Variants in ZNF597 observed in about 807,000 individuals in gnomAD.
ZNF597 encodes zinc finger protein 597.
A neutral mutation model predicts 7.3 loss-of-function variants in ZNF597; 5 were observed. The observed-to-expected ratio is 0.68, with a 90% CI of 0.36 to 1.44. ZNF597 has a LOEUF of 1.44. Among genes scored for constraint, ZNF597 ranks in the 40% most tolerant of loss-of-function variants. ZNF597 has a pLI of 0.04. For missense variants in ZNF597, 585 were observed against 517.9 expected, an observed-to-expected ratio of 1.13 and a Z score of -1.26; for synonymous variants, 209 against 185.4, an observed-to-expected ratio of 1.13 and a Z score of -1.04.
Position 3,436,950 on chromosome 16 carries a change from A to G in ZNF597, c.749T>C (p.Met250Thr), listed in dbSNP as rs76708655. Residue 250 changes from methionine to threonine, a missense_variant, in exon 4 of 4, where the codon ATG becomes ACG. Transcript: ENST00000301744. The stretch of plus-strand genomic sequence containing the variant: ...ATGCTGTGCCAATCCTGGGAGCCAC[A>G]TAAAACCTCTACCACATATGCTACA... ...YTCSICGRGF[M>T]WLPGLAQHQK... 95 of 1,614,226 alleles carry G rather than the reference A, an allele frequency of 5.9e-5. No homozygotes were observed. In the East Asian group the frequency reaches 1.6e-3, roughly 28 times the overall value.
chr16:3,438,725 A>AG (rs1375266951), intron 3 of ZNF597, among the ~76,000 whole-genome samples: 4 of 152,204 alleles, frequency 2.6e-5, no homozygotes, highest in Admixed American at 6.5e-5. Flanking sequence ...GGAAAGATCA[A>AG]GGTAGAAGGC....
Position 3,436,211 on chromosome 16 carries a change from G to A in ZNF597, c.*213C>T. ...TGTACAGTAACTGAGTTCAAATCCT[G>A]GGTTCATTCACTAGTTTAGTGACAC... On this transcript the variant is annotated 3_prime_UTR_variant, in exon 4 of 4. Coordinates refer to ENST00000301744, the MANE Select transcript of ZNF597 (RefSeq NM_152457.3). The A allele has an allele frequency of 3.5e-6, 2 of 569,788 alleles. No homozygotes were observed. Among genetic ancestry groups the A allele is most frequent in the East Asian group, 2.9e-5 (1 of 34,410 alleles). 35.3% of individuals were successfully genotyped at this position (569,788 alleles called of 1,614,324 possible). A position where few individuals can be genotyped will look rare whatever the true frequency, so the allele number is the denominator to read the frequency against.
In ZNF597 at chr16:3,437,336, A is replaced by T; in HGVS notation, c.363T>A (p.Val121=). ...TYKRRVISLL[V]TIENHTPLVE... is the part of the protein sequence containing the mutation. ...CTAATGGGGTGTGGTTTTCAATGGT[A>T]ACTAAAAGGCTGATGACCCTTCTCT... The change falls in exon 4 of 4, where the codon GTT becomes GTA. Residue 121 remains valine (V), a synonymous_variant. Transcript: ENST00000301744. 2 of 1,614,128 alleles carry T rather than the reference A, an allele frequency of 1.2e-6. No homozygotes were observed. The highest frequency in any genetic ancestry group is 1.7e-5 in the Admixed American group (1 of 60,002).
intron 2 of ZNF597, 42 bp from the exon 3 acceptor site, chr16:3,440,975 T>C (rs751567575): frequency 2.5e-6 from 4 of 1,598,672 alleles, no homozygotes; most frequent in Non-Finnish European, 3.4e-6. Flanking sequence ...GGGTGGAGGG[T>C]CAGCCCCTCA....
chr16:3,440,995 G>A, intron 2 of ZNF597, 62 bp from the exon 3 acceptor site: 2 of 1,572,612 alleles, frequency 1.3e-6, no homozygotes, highest in African/African-American at 1.4e-5. Context: ...ACTTAACCTA[G>A]GAAGGATGAA....
chr16:3,436,504 A>G lies in ZNF597; in HGVS notation c.1195T>C (p.Cys399Arg). ...KSHMLAEPFKCTVCGKTFKSN... is the reference protein window; with the variant it reads ...KSHMLAEPFKRTVCGKTFKSN... ...TTGAAAGTTTTCCCACACACGGTAC[A>G]TTTAAAAGGTTCCGCTAGCATGTGG... The change falls in exon 4 of 4, where the codon TGT becomes CGT. Residue 399 changes from cysteine (C) to arginine (R), a missense_variant. Coordinates refer to ENST00000301744, the MANE Select transcript of ZNF597 (RefSeq NM_152457.3). The G allele has an allele frequency of 1.9e-6, 3 of 1,614,210 alleles. No individual in the cohort carries two copies. Among genetic ancestry groups the G allele is most frequent in the South Asian group, 1.1e-5 (1 of 91,082 alleles).
In ZNF597 at chr16:3,434,500, C is replaced by G. The variant is rs1567350683; in HGVS notation, c.*1924G>C. On this transcript the variant is annotated 3_prime_UTR_variant, in exon 4 of 4. Transcript: ENST00000301744. ...GACATCAGAAACAAACAGCCAAAGTCTGACCTTGACATACAGAGCAGCACA... is the reference window on the plus strand; with the variant it reads ...GACATCAGAAACAAACAGCCAAAGTGTGACCTTGACATACAGAGCAGCACA... The G allele has an allele frequency of 1.3e-5, 2 of 152,216 alleles. No homozygotes were observed. Among genetic ancestry groups the G allele is most frequent in the African/African-American group, 4.8e-5 (2 of 41,450 alleles). The allele number at this position is 152,216 out of a possible 1,614,324, so 9.4% of individuals were successfully genotyped here.
At chr16:3,439,441 C>A (rs1567353048) in intron 3 of ZNF597, among the ~76,000 whole-genome samples, 1 of 152,072 alleles carries the variant, frequency 6.6e-6, no homozygotes, top group African/African-American at 2.4e-5. Flanking sequence ...CATGAAGAAA[C>A]TACCCAATGC....
At chr16:3,438,232 A>AAC (rs34258240) in intron 3 of ZNF597, among the ~76,000 whole-genome samples, 52 of 150,798 alleles carry the variant, frequency 3.4e-4, no homozygotes, top group Admixed American at 1.5e-3. Context: ...AAAAAAAAAA[A>AAC]GATGACAGCA....
At chr16:3,437,743 A>AAGG (rs74341248) in intron 3 of ZNF597, among the ~76,000 whole-genome samples, 111,669 of 151,564 alleles carry the variant, frequency 0.74, 41,661 homozygotes, top group Admixed American at 0.8. Context: ...ATCCAAAGGT[A>AAGG]AGGAGAGAAT....
intron 2 of ZNF597, among the ~76,000 whole-genome samples, chr16:3,442,661 C>T (rs1410703400): frequency 7.2e-6 from 1 of 139,574 alleles, no homozygotes; most frequent in Non-Finnish European, 1.5e-5. Flanking sequence ...GGCGACAGAG[C>T]GAGACTCTGT....
Position 3,437,155 on chromosome 16 carries a change from T to C in ZNF597, c.544A>G (p.Lys182Glu), listed in dbSNP as rs115560366. The C allele has an allele frequency of 6.2e-7, 1 of 1,614,206 alleles. No individual in the cohort carries two copies. The highest frequency in any genetic ancestry group is 1.3e-5 in the African/African-American group (1 of 75,044). The change falls in exon 4 of 4, where the codon AAA becomes GAA. Residue 182 changes from lysine to glutamate, a missense_variant. Transcript: ENST00000301744. ...CCACAGTCACCACATTTATGTTTTT[T>C]CTCTCCTGAATGAATTTTCTGATGC... ...VLHQKIHSGE[K>E]KHKCGDCGKI...
chr16:3,440,672 C>T, intron 3 of ZNF597, 135 bp downstream of exon 3: 1 of 1,167,622 alleles, frequency 8.6e-7, no homozygotes, highest in South Asian at 1.6e-5. Context: ...AACTTTTTCT[C>T]TCACACAATT....
intron 3 of ZNF597, among the ~76,000 whole-genome samples, chr16:3,440,547 T>C (rs1425687719): frequency 2.0e-5 from 3 of 151,924 alleles, no homozygotes; most frequent in African/African-American, 7.3e-5. Context: ...GGCAGGAGAA[T>C]GGCGTGAACC....
In ZNF597 at chr16:3,437,208, T is replaced by C; in HGVS notation, c.491A>G (p.Asn164Ser). The change falls in exon 4 of 4, where the codon AAC (asparagine) becomes AGC (serine). Residue 164 changes from asparagine to serine, a missense_variant. Transcript: ENST00000301744. ...AACTAGGTATGAATGATCGCTGAAG[T>C]TTTGGTCACACTCAGGACATTTGTA... is the stretch of plus-strand genomic sequence containing the variant. ...NVYKCPECDQNFSDHSYLVLH... is the reference protein window; with the variant it reads ...NVYKCPECDQSFSDHSYLVLH... The C allele has an allele frequency of 6.2e-7, 1 of 1,614,168 alleles. No homozygotes were observed. Among genetic ancestry groups the C allele is most frequent in the Non-Finnish European group, 8.5e-7 (1 of 1,180,040 alleles).
chr16:3,437,672 A>G, intron 3 of ZNF597, 134 bp from the exon 4 acceptor site: 3 of 1,376,766 alleles, frequency 2.2e-6, no homozygotes, highest in Non-Finnish European at 2.8e-6. Context: ...GACACTAACC[A>G]CACAAAATCA....
Position 3,443,126 on chromosome 16 carries a change from C to A in ZNF597, c.28G>T (p.Ala10Ser). ...AAAAAGGTACCTCGACTCACCTGGGCCTCGGGCGTCGGGGGCATGGACGCC... is the reference window on the plus strand; with the variant it reads ...AAAAAGGTACCTCGACTCACCTGGGACTCGGGCGTCGGGGGCATGGACGCC... MASMPPTPEAQGPILFEDLA... is the reference protein window; with the variant it reads MASMPPTPESQGPILFEDLA... Residue 10 changes from alanine to serine, a missense_variant, in exon 2 of 4, where the codon GCC becomes TCC. Coordinates refer to ENST00000301744, the MANE Select transcript of ZNF597 (RefSeq NM_152457.3). 2 of 1,614,052 alleles carry A rather than the reference C, an allele frequency of 1.2e-6. No homozygotes were observed. Among genetic ancestry groups the A allele is most frequent in the Non-Finnish European group, 1.7e-6 (2 of 1,179,956 alleles).
rs887602910 is a variant in ZNF597 at position 3,440,685 on chromosome 16, C to T, written c.160+122G>A. 3.0e-5 allele frequency: 38 copies of T among 1,252,462 alleles called. No homozygotes were observed. The African/African-American group carries it at 5.0e-4, about 17-fold the overall frequency. The allele number at this position is 1,252,462 out of a possible 1,614,324, so 77.6% of individuals were successfully genotyped here. On this transcript the variant is annotated intron_variant, in intron 3 of 3. Coordinates refer to ENST00000301744, the MANE Select transcript of ZNF597 (RefSeq NM_152457.3). ...AAAACTTTTTCTCTCACACAATTAT[C>T]ACCTCCACATAAATTACTGAGGGAC...
In ZNF597 at chr16:3,435,546, T is replaced by C. The variant is rs1276057059; in HGVS notation, c.*878A>G. 7.4e-6 allele frequency: 1 copy of C among 134,292 alleles called. No individual in the cohort carries two copies. Among genetic ancestry groups the C allele is most frequent in the African/African-American group, 2.5e-5 (1 of 39,650 alleles). The allele number at this position is 134,292 out of a possible 1,614,324, so 8.3% of individuals were successfully genotyped here. On this transcript the variant is annotated 3_prime_UTR_variant, in exon 4 of 4. Transcript: ENST00000301744. ...TTACCCTCTGAGGACTTCAGTTTCC[T>C]CGTTTATGAAACAAAGATTTTTTTT...
Sources: gnomAD v4.1 joint callset for allele counts (sites outside exome capture counted in the v4.1 genomes callset) on GRCh38, gnomAD v4.1.1 for gene constraint, MANE v1.5 for transcripts, NCBI Gene and HGNC (gene_info 2026-07-23, HGNC 2026-07-21) for gene names.